DNAI2: variants seen among roughly 807,000 people sequenced by gnomAD.
DNAI2 encodes the protein dynein axonemal intermediate chain 2, also known as dynein, axonemal, intermediate polypeptide 2.
DNAI2 carries 63 observed loss-of-function variants against 74.7 expected under a neutral mutation model. The observed-to-expected ratio is 0.84, with a 90% CI of 0.69 to 1.04. The LOEUF (loss-of-function observed/expected upper bound fraction) is 1.04, where lower values mean the gene tolerates loss of function less well. Among genes scored for constraint, DNAI2 ranks in the 50% least tolerant of loss-of-function variants. The probability of loss-of-function intolerance (pLI) is 0.00; values close to 1 mark genes in which losing one functional copy is unlikely to be tolerated. For synonymous variants in DNAI2, 289 were observed against 314.9 expected, an observed-to-expected ratio of 0.92 and a Z score of 0.87; for missense variants, 688 against 803.2, an observed-to-expected ratio of 0.86 and a Z score of 1.73.
At chr17:74,288,063 G>T (rs1342207814) in intron 4 of DNAI2, among the ~76,000 whole-genome samples, 3 of 152,264 alleles carry the variant, frequency 2.0e-5, no homozygotes, top group Non-Finnish European at 2.9e-5. Context: ...AACAGGGTGT[G>T]CAGAGTGCCA....
At chr17:74,284,558 G>A (rs895643146) in intron 2 of DNAI2, among the ~76,000 whole-genome samples, 4 of 151,976 alleles carry the variant, frequency 2.6e-5, no homozygotes, top group Admixed American at 6.6e-5. Flanking sequence ...GACTACAGGC[G>A]CCCACCACCA....
intron 4 of DNAI2, among the ~76,000 whole-genome samples, chr17:74,287,541 G>C (rs1248627983): frequency 6.6e-6 from 1 of 152,196 alleles, no homozygotes; most frequent in African/African-American, 2.4e-5. Flanking sequence ...CGCAGGCGTG[G>C]ATATTCACTG....
rs992089588 is a variant in DNAI2, at chr17:74,314,724, A to C, written c.*191A>C. 3 of 195,690 alleles carry C rather than the reference A, an allele frequency of 1.5e-5. No homozygotes were observed. Among genetic ancestry groups the C allele is most frequent in the Non-Finnish European group, 2.2e-5 (2 of 92,784 alleles). 12.1% of individuals were successfully genotyped at this position (195,690 alleles called of 1,614,324 possible). On this transcript the variant is annotated 3_prime_UTR_variant, in exon 14 of 14. Transcript: ENST00000311014. ...CAGAAAGTCTGTCCACTTTGAAAAT[A>C]CCTTTCCAGGCAGCTCCCTGACCAT...
chr17:74,309,976 TCC>T (rs1355424193), intron 10 of DNAI2, 39 bp from the exon 11 acceptor site: 1 of 1,455,062 alleles, frequency 6.9e-7, no homozygotes, highest in Non-Finnish European at 9.3e-7. Context: ...ATAACTTTGC[TCC>T]TCTCTCCTCT....
intron 8 of DNAI2, among the ~76,000 whole-genome samples, chr17:74,304,539 G>A (rs760894839): frequency 2.0e-5 from 3 of 152,158 alleles, no homozygotes; most frequent in African/African-American, 4.8e-5. Context: ...TCAGAGACGC[G>A]AGGGGAGCAC....
At chr17:74,281,748 T>C in intron 1 of DNAI2, 59 bp from the exon 2 acceptor site, 1 of 1,566,090 alleles carries the variant, frequency 6.4e-7, no homozygotes, top group Non-Finnish European at 8.7e-7. Flanking sequence ...GCAGGACCTG[T>C]GGAGATAGGG....
chr17:74,277,682 G>C (rs1014996718), intron 1 of DNAI2, among the ~76,000 whole-genome samples: 1 of 152,248 alleles, frequency 6.6e-6, no homozygotes, highest in African/African-American at 2.4e-5. Context: ...TGTAGCCCTG[G>C]AGGCGGGAGA....
chr17:74,287,183 TGCATGCC>T (rs2051801936), intron 4 of DNAI2, 85 bp downstream of exon 4: 29 of 1,565,032 alleles, frequency 1.9e-5, no homozygotes, highest in Non-Finnish European at 2.5e-5. Context: ...TTGCCATCGC[TGCATGCC>T]CTGGGTGCAG....
In DNAI2 at chr17:74,296,346, G is replaced by GAGAGAGAGA. The variant is rs371039062; in HGVS notation, c.725-3372_725-3371insAGAGAGAGA. Among the ~76,000 whole-genome samples the GAGAGAGAGA allele has an allele frequency of 3.6e-5, 3 of 83,216 alleles. 1 individual carries two copies. Among genetic ancestry groups the GAGAGAGAGA allele is most frequent in the Admixed American group, 2.5e-4 (2 of 7,994 alleles). The allele number at this position is 83,216 out of a possible 152,430, so 54.6% of individuals were successfully genotyped here. A position where few individuals can be genotyped will look rare whatever the true frequency, so the allele number is the denominator to read the frequency against. ...GAGAGAGAGAGAGGAGAGAGAGAGA[G>GAGAGAGAGA]GAGAGAGAGAGGAAGGGGGAAGGAG... On this transcript the variant is annotated intron_variant, in intron 6 of 13. Coordinates refer to ENST00000311014, the MANE Select transcript of DNAI2 (RefSeq NM_023036.6).
chr17:74,314,385 A>ACTGAC, intron 13 of DNAI2, 114 bp downstream of exon 13: 1 of 1,352,454 alleles, frequency 7.4e-7, no homozygotes, highest in Non-Finnish European at 1.0e-6. Flanking sequence ...ACTAGCCCCC[A>ACTGAC]CTGACTCACT....
At chr17:74,310,309 A>T in intron 11 of DNAI2, 146 bp downstream of exon 11, 1 of 1,215,534 alleles carries the variant, frequency 8.2e-7, no homozygotes, top group Admixed American at 2.3e-5. Context: ...TGTGGGCTCC[A>T]TAAATAGGTG....
rs536074555 is a variant in DNAI2, at chr17:74,290,873, G to A, written c.611-147G>A. On this transcript the variant is annotated intron_variant, in intron 5 of 13. Coordinates refer to ENST00000311014, the MANE Select transcript of DNAI2 (RefSeq NM_023036.6). ...GATTCTGGCCAAGGTGGACCAGGGG[G>A]TGCAGGCTGGGGAAAGACTGGAGGG... The A allele has an allele frequency of 4.0e-5, 31 of 781,814 alleles. 1 individual carries two copies. In the South Asian group the frequency reaches 4.1e-4, roughly 10 times the overall value. The allele number at this position is 781,814 out of a possible 1,614,324, so 48.4% of individuals were successfully genotyped here.
chr17:74,277,404 A>G (rs920571364), intron 1 of DNAI2, among the ~76,000 whole-genome samples: 1 of 152,008 alleles, frequency 6.6e-6, no homozygotes, highest in Non-Finnish European at 1.5e-5. Flanking sequence ...AAAAAAAAGA[A>G]AAAAGAAAAA....
chr17:74,284,570 G>A (rs1253410446), intron 2 of DNAI2, among the ~76,000 whole-genome samples: 3 of 151,886 alleles, frequency 2.0e-5, no homozygotes, highest in Admixed American at 6.6e-5. Flanking sequence ...CCACCACCAC[G>A]CCCGGCTAAT....
intron 8 of DNAI2, among the ~76,000 whole-genome samples, chr17:74,304,546 G>A (rs1254081313): frequency 6.6e-6 from 1 of 152,196 alleles, no homozygotes; most frequent in Admixed American, 6.6e-5. Flanking sequence ...CGCGAGGGGA[G>A]CACTGGACCA....
chr17:74,303,130 A>G (rs901014784), intron 8 of DNAI2, among the ~76,000 whole-genome samples: 26 of 152,078 alleles, frequency 1.7e-4, no homozygotes, highest in Admixed American at 1.6e-3. Flanking sequence ...GCCTACAACC[A>G]TCTCGTGGGG....
intron 9 of DNAI2, among the ~76,000 whole-genome samples, chr17:74,308,850 G>C (rs2053336439): frequency 6.6e-6 from 1 of 152,024 alleles, no homozygotes; most frequent in Non-Finnish European, 1.5e-5. Context: ...AGACACCTGA[G>C]GTCAAGAGTT....
At chr17:74,302,771 G>A (rs1169967742) in intron 8 of DNAI2, among the ~76,000 whole-genome samples, 2 of 152,174 alleles carry the variant, frequency 1.3e-5, no homozygotes. Context: ...CCCCCTTGGG[G>A]GTGTCACTTG....
intron 1 of DNAI2, among the ~76,000 whole-genome samples, chr17:74,276,715 A>T (rs1348311326): frequency 6.6e-6 from 1 of 152,228 alleles, no homozygotes; most frequent in Non-Finnish European, 1.5e-5. Flanking sequence ...AACACCAAGA[A>T]GGAAAGCAAA....
Sources: allele counts gnomAD v4.1 joint callset (sites outside exome capture counted in the v4.1 genomes callset), GRCh38; gene constraint gnomAD v4.1.1; transcripts MANE v1.5; gene names NCBI Gene and HGNC (gene_info 2026-07-23, HGNC 2026-07-21).